SHPRH: variants seen among roughly 807,000 people sequenced by gnomAD.
SHPRH encodes E3 ubiquitin-protein ligase SHPRH.
SHPRH carries 106 observed loss-of-function variants against 202.5 expected under a neutral mutation model. That is an observed-to-expected ratio of 0.52 (90% CI 0.45 to 0.62). The LOEUF is 0.62. SHPRH is among the 20% of genes least tolerant of loss of function. The pLI is 0.00. For missense variants in SHPRH, 1,710 were observed against 2,020.0 expected, an observed-to-expected ratio of 0.85 and a Z score of 2.94; for synonymous variants, 729 against 686.0, an observed-to-expected ratio of 1.06 and a Z score of -0.98.
chr6:145,923,158 T>C (rs1582702447), intron 18 of SHPRH, among the ~76,000 whole-genome samples: 1 of 151,860 alleles, frequency 6.6e-6, no homozygotes, highest in African/African-American at 2.4e-5. Context: ...TGACTACAGA[T>C]AGCCTTCCTG....
downstream of SHPRH, chr6:145,883,118 A>G (rs1780707014): frequency 6.6e-6 from 1 of 152,220 alleles, no homozygotes. Flanking sequence ...AAGCAGGGAA[A>G]AAGTTATTAA....
At chr6:145,868,685 G>A (rs1008133591) in intron 2 of SHPRH, among the ~76,000 whole-genome samples, 8 of 152,078 alleles carry the variant, frequency 5.3e-5, no homozygotes. Flanking sequence ...CATCCCTCTA[G>A]TCTTTTGCTT....
intron 2 of SHPRH, among the ~76,000 whole-genome samples, chr6:145,872,803 T>C (rs1562271814): frequency 2.0e-5 from 3 of 152,184 alleles, no homozygotes; most frequent in Non-Finnish European, 4.4e-5. Flanking sequence ...CTATCAGTGA[T>C]AGATTGGATA....
At chr6:145,921,122 AAAG>A (rs777294107) in intron 21 of SHPRH, 42 bp downstream of exon 21, 6 of 1,534,288 alleles carry the variant, frequency 3.9e-6, no homozygotes, top group East Asian at 2.3e-5. Context: ...TTGATGTAAA[AAAG>A]AAGAATTTTT....
At chr6:145,937,115 C>T (rs909169589) in intron 11 of SHPRH, among the ~76,000 whole-genome samples, 1 of 151,788 alleles carries the variant, frequency 6.6e-6, no homozygotes, top group African/African-American at 2.4e-5. Context: ...TCCCGACTAG[C>T]TGGGATTACA....
At chr6:145,931,399 C>A (rs1308591244) in intron 14 of SHPRH, among the ~76,000 whole-genome samples, 1 of 152,038 alleles carries the variant, frequency 6.6e-6, no homozygotes, top group African/African-American at 2.4e-5. Flanking sequence ...GTAGCCCAGT[C>A]TGGGGTGCAG....
chr6:145,890,200 T>C (rs370756187), intron 28 of SHPRH, among the ~76,000 whole-genome samples: 1 of 152,316 alleles, frequency 6.6e-6, no homozygotes, highest in East Asian at 1.9e-4. Context: ...AAGCTTGTAC[T>C]GTGAAGGCAG....
chr6:145,912,241 G>C (rs532826255), intron 24 of SHPRH, among the ~76,000 whole-genome samples: 32 of 151,858 alleles, frequency 2.1e-4, no homozygotes, highest in African/African-American at 6.8e-4. Flanking sequence ...AAATTAGAAG[G>C]GGGGAGAACT....
intron 21 of SHPRH, among the ~76,000 whole-genome samples, chr6:145,920,416 A>G (rs1784342887): frequency 6.6e-6 from 1 of 152,118 alleles, no homozygotes; most frequent in Admixed American, 6.6e-5. Context: ...TGAGAAAAAC[A>G]TTATTATAAA....
chr6:145,894,819 C>G, intron 26 of SHPRH, 66 bp downstream of exon 26: 1 of 1,460,726 alleles, frequency 6.8e-7, no homozygotes, highest in Non-Finnish European at 9.5e-7. Context: ...TAGTTCTCAG[C>G]TGTAAACTGA....
chr6:145,942,518 T>A (rs1786902918), intron 9 of SHPRH, among the ~76,000 whole-genome samples: 1 of 152,232 alleles, frequency 6.6e-6, no homozygotes, highest in South Asian at 2.1e-4. Context: ...GTAAAGTGGA[T>A]GAAATACAAA....
chr6:145,924,667 C>T, intron 17 of SHPRH, 72 bp downstream of exon 17: 1 of 1,329,596 alleles, frequency 7.5e-7, no homozygotes, highest in Non-Finnish European at 1.1e-6. Context: ...AAGTTTCTCC[C>T]CACCAAAAAA....
intron 25 of SHPRH, among the ~76,000 whole-genome samples, chr6:145,901,153 A>AAC (rs1782471471): frequency 1.3e-5 from 2 of 152,130 alleles, no homozygotes; most frequent in African/African-American, 4.8e-5. Context: ...ATATACAAAG[A>AAC]TGAAAAAATA....
intron 25 of SHPRH, among the ~76,000 whole-genome samples, chr6:145,898,370 T>C (rs1448470093): frequency 6.6e-6 from 1 of 152,170 alleles, no homozygotes; most frequent in Non-Finnish European, 1.5e-5. Flanking sequence ...GTTCATGAAC[T>C]GAACTAATAT....
chr6:145,870,487 C>T (rs1431140389), intron 2 of SHPRH, among the ~76,000 whole-genome samples: 1 of 152,092 alleles, frequency 6.6e-6, no homozygotes, highest in Non-Finnish European at 1.5e-5. Flanking sequence ...TAGTCTTGAT[C>T]TCCTGACCTT....
downstream of SHPRH, among the ~76,000 whole-genome samples, chr6:145,860,470 T>C (rs1472800518): frequency 6.6e-6 from 1 of 151,914 alleles, no homozygotes; most frequent in African/African-American, 2.4e-5. Context: ...CATTGAAAAC[T>C]ACAAAACATT....
In SHPRH at chr6:145,948,418, A is replaced by C. The variant is rs985598263; in HGVS notation, c.983-68T>G. 3 of 1,252,000 alleles carry C rather than the reference A, an allele frequency of 2.4e-6. No individual in the cohort carries two copies. The African/African-American group carries it at 4.5e-5, about 19-fold the overall frequency. The allele number at this position is 1,252,000 out of a possible 1,614,324, so 77.6% of individuals were successfully genotyped here. A position where few individuals can be genotyped will look rare whatever the true frequency, so the allele number is the denominator to read the frequency against. ...TTCAGTCAGATAATCACATTAAAAAAAGAATAGGTTAACAGTGAGGATACT... is the reference window on the plus strand; with the variant it reads ...TTCAGTCAGATAATCACATTAAAAACAGAATAGGTTAACAGTGAGGATACT... On this transcript the variant is annotated intron_variant, in intron 4 of 29. Transcript: ENST00000275233.
intron 25 of SHPRH, chr6:145,908,707 G>A (rs1783199669): frequency 6.6e-6 from 1 of 152,066 alleles, no homozygotes; most frequent in South Asian, 2.1e-4. Flanking sequence ...TCTGTAGGAT[G>A]CCTGTTTACC....
In SHPRH at chr6:145,884,895, T is replaced by C. The variant is rs1780864145; in HGVS notation, c.*1796A>G. The C allele has an allele frequency of 6.6e-6, 1 of 152,300 alleles. No homozygotes were observed. Among genetic ancestry groups the C allele is most frequent in the South Asian group, 2.1e-4 (1 of 4,834 alleles). 9.4% of individuals were successfully genotyped at this position (152,300 alleles called of 1,614,324 possible). A position where few individuals can be genotyped will look rare whatever the true frequency, so the allele number is the denominator to read the frequency against. On this transcript the variant is annotated 3_prime_UTR_variant, in exon 30 of 30. Transcript: ENST00000275233. ...TGTCTAATACAGATAGGTTTTTTTA[T>C]ATATATGTAATTTGATTTTACAAAA...
Sources: gnomAD v4.1 joint callset for allele counts (sites outside exome capture counted in the v4.1 genomes callset) on GRCh38, gnomAD v4.1.1 for gene constraint, MANE v1.5 for transcripts, NCBI Gene and HGNC (gene_info 2026-07-23, HGNC 2026-07-21) for gene names.